The following INTS7 variants were observed in gnomAD, a reference collection of about 807,000 sequenced individuals.
INTS7 encodes integrator complex subunit 7.
A neutral mutation model predicts 109.2 loss-of-function variants in INTS7; 46 were observed. The ratio of observed to expected loss-of-function variants is 0.42; its 90% CI spans 0.33 to 0.54. The LOEUF is 0.54. INTS7 is among the 20% of genes least tolerant of loss of function. INTS7 has a pLI of 0.07. For missense variants in INTS7, 929 were observed against 1,132.4 expected (o/e 0.82, Z 2.58); for synonymous variants, 412 against 402.9 (o/e 1.02, Z -0.27).
chr1:211,944,450 G>C (rs990209848), intron 19 of INTS7, among the ~76,000 whole-genome samples: 2 of 152,192 alleles, frequency 1.3e-5, no homozygotes, highest in Admixed American at 1.3e-4. Flanking sequence ...CATACGTACT[G>C]ACTGAGGCTG....
chr1:211,943,737 T>C (rs1054580740), intron 19 of INTS7, among the ~76,000 whole-genome samples: 2 of 152,214 alleles, frequency 1.3e-5, no homozygotes, highest in African/African-American at 4.8e-5. Context: ...CTTGGCTTTT[T>C]AACCTAAAAC....
intron 17 of INTS7, among the ~76,000 whole-genome samples, chr1:211,947,505 C>A (rs1427148589): frequency 2.6e-5 from 4 of 152,228 alleles, no homozygotes; most frequent in Admixed American, 2.6e-4. Context: ...CCTCAGTCTA[C>A]TCCCGTCTCA....
At chr1:211,982,389 C>G (rs1036682288) in intron 9 of INTS7, among the ~76,000 whole-genome samples, 2 of 152,108 alleles carry the variant, frequency 1.3e-5, no homozygotes, top group Non-Finnish European at 2.9e-5. Flanking sequence ...CCTAAGCAAT[C>G]TTTATCCACC....
At chr1:212,011,605 A>G in intron 4 of INTS7, 184 bp from the exon 5 acceptor site, 1 of 580,270 alleles carries the variant, frequency 1.7e-6, no homozygotes, top group East Asian at 2.9e-5. Flanking sequence ...CAAAAACTCC[A>G]GCACCAAATG....
At chr1:211,956,613 ATT>A (rs1158636967) in intron 16 of INTS7, among the ~76,000 whole-genome samples, 2 of 151,774 alleles carry the variant, frequency 1.3e-5, no homozygotes. Flanking sequence ...TTAGTGATTT[ATT>A]TTTTTTCTTG....
rs376515314 is a variant in INTS7, at chr1:211,998,809, TAAC to T, written c.879+7827_879+7829del. Among the ~76,000 whole-genome samples, 818 of 148,544 alleles carry T rather than the reference TAAC, an allele frequency of 5.5e-3. 4 individuals carry two copies. Among genetic ancestry groups the T allele is most frequent in the African/African-American group, 0.02 (775 of 38,338 alleles). On this transcript the variant is annotated intron_variant, in intron 7 of 19. Coordinates refer to ENST00000366994, the MANE Select transcript of INTS7 (RefSeq NM_015434.4). Reference sequence around the variant, plus strand: ...AATATCAAGAATATATAAATAACAATAACAAAAAGACAAAAAAACCTAATAAAA... The same window carrying T: ...AATATCAAGAATATATAAATAACAATAAAAAGACAAAAAAACCTAATAAAA...
At chr1:211,953,118 A>C (rs570901905) in intron 16 of INTS7, among the ~76,000 whole-genome samples, 1 of 152,370 alleles carries the variant, frequency 6.6e-6, no homozygotes, top group East Asian at 1.9e-4. Context: ...ATGTCACAGA[A>C]GAAGAGAGTC....
Position 211,958,302 on chromosome 1 carries a change from T to G in INTS7, c.2184-5601A>C, listed in dbSNP as rs185177379. 2.6e-5 allele frequency among the ~76,000 whole-genome samples: 4 copies of G among 152,316 alleles called. No individual in the cohort carries two copies. In the East Asian group the frequency reaches 7.7e-4, roughly 29 times the overall value. ...AATATGGAATTATAGGTTAACATTTTTTTTTCCAGGACTTTAAAGATGTTG... is the reference window on the plus strand; with the variant it reads ...AATATGGAATTATAGGTTAACATTTGTTTTTCCAGGACTTTAAAGATGTTG... On this transcript the variant is annotated intron_variant, in intron 16 of 19. Coordinates refer to ENST00000366994, the MANE Select transcript of INTS7 (RefSeq NM_015434.4).
intron 16 of INTS7, among the ~76,000 whole-genome samples, chr1:211,960,638 CA>C (rs1558027108): frequency 6.6e-6 from 1 of 152,086 alleles, no homozygotes; most frequent in Non-Finnish European, 1.5e-5. Flanking sequence ...AGTAGAAAAA[CA>C]AACTGCAATA....
intron 7 of INTS7, among the ~76,000 whole-genome samples, chr1:212,005,248 T>C (rs1665852715): frequency 6.6e-6 from 1 of 152,084 alleles, no homozygotes; most frequent in Non-Finnish European, 1.5e-5. Context: ...AAAACAAAGC[T>C]AAACAGTATT....
intron 13 of INTS7, among the ~76,000 whole-genome samples, chr1:211,971,288 C>A (rs1355427181): frequency 6.6e-6 from 1 of 152,202 alleles, no homozygotes; most frequent in Non-Finnish European, 1.5e-5. Context: ...GGTTGAGAAC[C>A]ACTGTCCTAG....
chr1:211,986,498 A>G (rs970347654), intron 8 of INTS7, among the ~76,000 whole-genome samples: 16 of 152,222 alleles, frequency 1.1e-4, no homozygotes, highest in Admixed American at 3.9e-4. Context: ...AATAAATAAG[A>G]AAAACGCCAG....
At chr1:211,953,947 T>C (rs1314579073) in intron 16 of INTS7, among the ~76,000 whole-genome samples, 1 of 152,236 alleles carries the variant, frequency 6.6e-6, no homozygotes. Context: ...ATGATATTTC[T>C]AGTTCTAGAT....
At chr1:212,001,083 T>C (rs1223943946) in intron 7 of INTS7, among the ~76,000 whole-genome samples, 1 of 116,778 alleles carries the variant, frequency 8.6e-6, no homozygotes, top group Non-Finnish European at 1.9e-5. Context: ...TTTTTTTTTT[T>C]TGAGACAGAG....
At chr1:211,950,032 T>G (rs1663015376) in intron 17 of INTS7, among the ~76,000 whole-genome samples, 1 of 152,268 alleles carries the variant, frequency 6.6e-6, no homozygotes, top group East Asian at 1.9e-4. Context: ...AACTACTCTC[T>G]TTTTTGTACT....
At chr1:211,945,043 TCA>T in intron 18 of INTS7, 74 bp from the exon 19 acceptor site, 1 of 1,440,466 alleles carries the variant, frequency 6.9e-7, no homozygotes, top group Non-Finnish European at 9.6e-7. Flanking sequence ...TCTGTGCTAA[TCA>T]CTGGTTACAG....
chr1:212,018,562 G>C (rs1290775694), intron 3 of INTS7, among the ~76,000 whole-genome samples: 1 of 148,734 alleles, frequency 6.7e-6, no homozygotes, highest in Non-Finnish European at 1.5e-5. Flanking sequence ...AAAGCCAAAT[G>C]GAAAAGCCTC....
intron 1 of INTS7, among the ~76,000 whole-genome samples, chr1:212,030,033 CAT>C (rs1312396912): frequency 6.6e-5 from 10 of 152,144 alleles, no homozygotes; most frequent in Non-Finnish European, 1.3e-4. Flanking sequence ...CCAGTATGCA[CAT>C]GAGAATACTA....
intron 7 of INTS7, among the ~76,000 whole-genome samples, chr1:211,994,674 C>T (rs1665298166): frequency 6.6e-6 from 1 of 151,044 alleles, no homozygotes; most frequent in Non-Finnish European, 1.5e-5. Flanking sequence ...CTCAAGTGAT[C>T]CGCCTACCTC....
Sources: allele counts gnomAD v4.1 joint callset (sites outside exome capture counted in the v4.1 genomes callset), GRCh38; gene constraint gnomAD v4.1.1; transcripts MANE v1.5; gene names NCBI Gene and HGNC (gene_info 2026-07-23, HGNC 2026-07-21).